PPP3CA: variants seen among roughly 807,000 people sequenced by gnomAD.
PPP3CA encodes CAM-PRP catalytic subunit.
In PPP3CA, 14 loss-of-function variants were observed where a neutral mutation model predicts 66.5. The ratio of observed to expected loss-of-function variants is 0.21; its 90% CI spans 0.14 to 0.33. The LOEUF is 0.33. PPP3CA is among the 10% of genes least tolerant of loss of function. The probability of loss-of-function intolerance (pLI) is 1.00; values close to 1 mark genes in which losing one functional copy is unlikely to be tolerated. For synonymous variants in PPP3CA, 232 were observed against 226.2 expected, an observed-to-expected ratio of 1.03 and a Z score of -0.23; for missense variants, 317 against 639.5, an observed-to-expected ratio of 0.50 and a Z score of 5.44.
rs1727833863 is a variant in PPP3CA at position 101,047,806 on chromosome 4, C to T, written c.1157-7240G>A. On this transcript the variant is annotated intron_variant, in intron 10 of 13. Transcript: ENST00000394854. ...AGATTTAACTAAATTTTAGAAATTT[C>T]CTGAGGTGATGGGTCCTAAGTGTTC... Among the ~76,000 whole-genome samples, 5 of 151,910 alleles carry T rather than the reference C, an allele frequency of 3.3e-5. No individual in the cohort carries two copies. The South Asian group carries it at 1.0e-3, about 32-fold the overall frequency.
intron 1 of PPP3CA, among the ~76,000 whole-genome samples, chr4:101,271,997 T>C (rs1234973052): frequency 6.6e-6 from 1 of 152,210 alleles, no homozygotes; most frequent in Admixed American, 6.5e-5. Flanking sequence ...TAATGATTAA[T>C]TCACTTAATA....
intron 1 of PPP3CA, among the ~76,000 whole-genome samples, chr4:101,197,069 C>T (rs1301562271): frequency 6.6e-6 from 1 of 152,186 alleles, no homozygotes; most frequent in Non-Finnish European, 1.5e-5. Flanking sequence ...CACTGGACAA[C>T]TAGAAGTATC....
chr4:101,318,894 C>G (rs1367865749), intron 1 of PPP3CA, among the ~76,000 whole-genome samples: 6 of 152,050 alleles, frequency 3.9e-5, no homozygotes, highest in Non-Finnish European at 8.8e-5. Context: ...GATCTAGAAT[C>G]TAAGAAACGT....
chr4:101,221,499 C>G (rs1254254108), intron 1 of PPP3CA, among the ~76,000 whole-genome samples: 2 of 151,568 alleles, frequency 1.3e-5, no homozygotes, highest in Admixed American at 6.6e-5. Flanking sequence ...CTTCCCTTCA[C>G]AGATGCAAGA....
chr4:101,210,680 T>G (rs1725273372), intron 1 of PPP3CA, among the ~76,000 whole-genome samples: 2 of 152,328 alleles, frequency 1.3e-5, no homozygotes, highest in East Asian at 3.9e-4. Context: ...ACCTTGGTAC[T>G]AAATACTTCA....
chr4:101,208,876 T>C (rs995139726), intron 1 of PPP3CA, among the ~76,000 whole-genome samples: 1 of 152,206 alleles, frequency 6.6e-6, no homozygotes, highest in Admixed American at 6.5e-5. Context: ...TTTGATTTGC[T>C]AATACTCTTT....
intron 12 of PPP3CA, among the ~76,000 whole-genome samples, chr4:101,032,037 T>G (rs1181547596): frequency 6.6e-6 from 1 of 152,148 alleles, no homozygotes. Flanking sequence ...TAGATTAACA[T>G]GTGAATGAGG....
At chr4:101,312,823 C>CCT (rs1271391042) in intron 1 of PPP3CA, among the ~76,000 whole-genome samples, 1 of 152,078 alleles carries the variant, frequency 6.6e-6, no homozygotes, top group Admixed American at 6.6e-5. Context: ...AGTGCTTTCT[C>CCT]CTAAGCACTG....
At chr4:101,122,388 A>ATG (rs143010105) in intron 2 of PPP3CA, among the ~76,000 whole-genome samples, 5 of 151,792 alleles carry the variant, frequency 3.3e-5, no homozygotes, top group Non-Finnish European at 7.4e-5. Context: ...AGCTCTTTGT[A>ATG]TGTGTGTGTG....
intron 2 of PPP3CA, among the ~76,000 whole-genome samples, chr4:101,121,896 G>A (rs1722043652): frequency 6.6e-6 from 1 of 152,008 alleles, no homozygotes; most frequent in African/African-American, 2.4e-5. Context: ...TTATCAATAA[G>A]GAGACACTGA....
intron 2 of PPP3CA, among the ~76,000 whole-genome samples, chr4:101,189,558 T>C (rs1410728186): frequency 6.6e-6 from 1 of 151,842 alleles, no homozygotes. Flanking sequence ...TGGGTAACCA[T>C]AGTAAGATAG....
At chr4:101,259,815 G>A (rs766264613) in intron 1 of PPP3CA, among the ~76,000 whole-genome samples, 55 of 152,046 alleles carry the variant, frequency 3.6e-4, no homozygotes, top group Non-Finnish European at 6.5e-4. Flanking sequence ...TCTGCCACAC[G>A]CTCTCTTCTC....
intron 8 of PPP3CA, among the ~76,000 whole-genome samples, chr4:101,071,616 T>A (rs1196068458): frequency 6.6e-6 from 1 of 152,176 alleles, no homozygotes; most frequent in Non-Finnish European, 1.5e-5. Flanking sequence ...GATTTTTTGA[T>A]TGACCCTTTT....
chr4:101,073,472 T>G (rs1729012557), intron 8 of PPP3CA, among the ~76,000 whole-genome samples: 1 of 152,030 alleles, frequency 6.6e-6, no homozygotes. Flanking sequence ...AGACGGGGTT[T>G]CACCATATTG....
chr4:101,336,232 A>G (rs1056270529), intron 1 of PPP3CA, among the ~76,000 whole-genome samples: 2 of 151,596 alleles, frequency 1.3e-5, no homozygotes, highest in Non-Finnish European at 2.9e-5. Flanking sequence ...CCAAAAAAAA[A>G]GCAAACAAAA....
At chr4:101,168,997 T>A (rs28406782) in intron 2 of PPP3CA, among the ~76,000 whole-genome samples, 4,190 of 152,216 alleles carry the variant, frequency 0.028, 206 homozygotes, top group African/African-American at 0.095. Context: ...TGATCAATAA[T>A]ATGTACTGAA....
At chr4:101,345,415 C>T (rs1368642715) in intron 1 of PPP3CA, among the ~76,000 whole-genome samples, 1 of 152,164 alleles carries the variant, frequency 6.6e-6, no homozygotes, top group African/African-American at 2.4e-5. Context: ...GACTTGATTG[C>T]CTTGCACTCT....
chr4:101,111,234 C>T (rs1298168828), intron 2 of PPP3CA, among the ~76,000 whole-genome samples: 2 of 152,158 alleles, frequency 1.3e-5, no homozygotes, highest in African/African-American at 2.4e-5. Context: ...GAAACCATGC[C>T]TTCACGTGCC....
At chr4:101,157,936 CAT>C (rs1485829751) in intron 2 of PPP3CA, among the ~76,000 whole-genome samples, 1 of 139,690 alleles carries the variant, frequency 7.2e-6, no homozygotes, top group African/African-American at 2.6e-5. Context: ...ATTTTTAATT[CAT>C]GTCTAAAAGC....
Sources: gnomAD v4.1 joint callset for allele counts (sites outside exome capture counted in the v4.1 genomes callset) on GRCh38, gnomAD v4.1.1 for gene constraint, MANE v1.5 for transcripts, NCBI Gene and HGNC (gene_info 2026-07-23, HGNC 2026-07-21) for gene names.